The following SLC30A8 variants were observed in gnomAD, a reference collection of about 807,000 sequenced individuals.
The protein encoded by SLC30A8 is proton-coupled zinc antiporter SLC30A8.
SLC30A8 carries 27 observed loss-of-function variants against 36.9 expected under a neutral mutation model. The observed-to-expected ratio is 0.73, with a 90% CI of 0.54 to 1.01. SLC30A8 has a LOEUF of 1.01. SLC30A8 is among the 50% of genes least tolerant of loss of function. SLC30A8 has a pLI of 0.00. For synonymous variants in SLC30A8, 164 were observed against 172.4 expected, an observed-to-expected ratio of 0.95 and a Z score of 0.38; for missense variants, 439 against 452.0, an observed-to-expected ratio of 0.97 and a Z score of 0.26.
At chr8:117,132,657 G>A (rs11990977), upstream of SLC30A8, among the ~76,000 whole-genome samples, 3,655 of 152,118 alleles carry the variant, frequency 0.024, 150 homozygotes, top group African/African-American at 0.082. Context: ...CAGTTAGGCC[G>A]TTGGCCCTTG....
At chr8:117,012,679 T>C (rs972502284) in intron 1 of SLC30A8, among the ~76,000 whole-genome samples, 2 of 148,764 alleles carry the variant, frequency 1.3e-5, no homozygotes. Context: ...TGTGTGTGTG[T>C]GTGCATGTGT....
At chr8:116,989,964 G>T (rs1815575045) in intron 1 of SLC30A8, among the ~76,000 whole-genome samples, 1 of 152,208 alleles carries the variant, frequency 6.6e-6, no homozygotes, top group Non-Finnish European at 1.5e-5. Flanking sequence ...TTGATTAGTG[G>T]TGTCTGCCAT....
At chr8:117,100,545 G>A (rs17812918) in intron 2 of SLC30A8, among the ~76,000 whole-genome samples, 22,452 of 152,130 alleles carry the variant, frequency 0.15, 1,723 homozygotes, top group African/African-American at 0.18. Context: ...AGGCAATGGA[G>A]TACTGGTTTG....
chr8:116,998,436 A>G (rs1231642205), intron 1 of SLC30A8, among the ~76,000 whole-genome samples: 1 of 152,214 alleles, frequency 6.6e-6, no homozygotes, highest in African/African-American at 2.4e-5. Flanking sequence ...AAGTACCAAG[A>G]AACAGCCTTG....
In SLC30A8 at chr8:117,053,074, C is replaced by T. The variant is rs142192229; in HGVS notation, c.-226+13816C>T. On this transcript the variant is annotated intron_variant, in intron 2 of 10. Coordinates refer to the SLC30A8 transcript ENST00000427715. ...AACTGCAGGCACCCACCACCATGCC[C>T]GGCTAAGTTTTTGTATTTTTAGTAG... 2.0e-3 allele frequency among the ~76,000 whole-genome samples: 306 copies of T among 152,116 alleles called. 2 individuals are homozygous for T. Among genetic ancestry groups the T allele is most frequent in the African/African-American group, 6.2e-3 (258 of 41,502 alleles).
chr8:117,116,980 A>G (rs1359074134), intron 2 of SLC30A8, among the ~76,000 whole-genome samples: 2 of 151,984 alleles, frequency 1.3e-5, no homozygotes, highest in African/African-American at 4.8e-5. Flanking sequence ...GTTTCTTCCT[A>G]CATCTTGTGG....
In SLC30A8 at chr8:117,078,325, A is replaced by G. The variant is rs1430822816; in HGVS notation, c.-226+39067A>G. Among the ~76,000 whole-genome samples the G allele has an allele frequency of 2.0e-5, 3 of 152,186 alleles. No homozygotes were observed. The East Asian group carries it at 5.8e-4, about 29-fold the overall frequency. ...TCCTACTGCTTGCTTCCTAAGTGCC[A>G]GACACTCTTCCAAGCAGGCCACATG... On this transcript the variant is annotated intron_variant, in intron 2 of 10. Coordinates refer to the SLC30A8 transcript ENST00000427715.
chr8:117,160,403 T>TTGTGTGTGTGTG (rs71569723), intron 4 of SLC30A8, among the ~76,000 whole-genome samples: 98 of 145,904 alleles, frequency 6.7e-4, no homozygotes, highest in Non-Finnish European at 1.1e-3. Flanking sequence ...AATTTTCCAC[T>TTGTGTGTGTGTG]TGTGTGTGTG....
chr8:117,029,209 C>T (rs184129222), intron 1 of SLC30A8, among the ~76,000 whole-genome samples: 4 of 152,248 alleles, frequency 2.6e-5, no homozygotes, highest in African/African-American at 9.6e-5. Context: ...TAGTATCAGT[C>T]GATGAGTTCA....
At chr8:117,116,525 C>A (rs542997336) in intron 2 of SLC30A8, among the ~76,000 whole-genome samples, 1 of 152,098 alleles carries the variant, frequency 6.6e-6, no homozygotes, top group Non-Finnish European at 1.5e-5. Context: ...TGTACTCTTT[C>A]TATTCTGCTC....
chr8:117,018,423 A>G (rs969035774), intron 1 of SLC30A8, among the ~76,000 whole-genome samples: 2 of 152,092 alleles, frequency 1.3e-5, no homozygotes, highest in African/African-American at 4.8e-5. Flanking sequence ...TTCAAAATCC[A>G]TAATGTCTTT....
Position 117,163,515 on chromosome 8 carries a change from A to C in SLC30A8, c.814A>C (p.Ile272Leu), listed in dbSNP as rs376889410. Residue 272 changes from isoleucine (I) to leucine (L), a missense_variant, in exon 6 of 8, where the codon ATC becomes CTC. By Grantham distance (5) the Ile-to-Leu change is conservative. Coordinates refer to ENST00000456015, the MANE Select transcript of SLC30A8 (RefSeq NM_173851.3). ...CATCACTATCTTAAAGGACTTCTCC[A>C]TCTTACTCATGGAAGGTAGGAGTGA... ...STITILKDFS[I>L]LLMEGVPKSL... 16 of 1,611,654 alleles carry C rather than the reference A, an allele frequency of 9.9e-6. No homozygotes were observed. The East Asian group carries it at 3.6e-4, about 36-fold the overall frequency.
At chr8:116,978,712 C>G (rs1019871125) in intron 1 of SLC30A8, among the ~76,000 whole-genome samples, 2 of 152,306 alleles carry the variant, frequency 1.3e-5, no homozygotes, top group African/African-American at 4.8e-5. Flanking sequence ...TAATCTGATG[C>G]TGCCCCTTGG....
At chr8:116,977,812 C>T (rs1241015791) in intron 1 of SLC30A8, among the ~76,000 whole-genome samples, 1 of 152,140 alleles carries the variant, frequency 6.6e-6, no homozygotes, top group East Asian at 1.9e-4. Flanking sequence ...TCCCAGCCTG[C>T]TCTACCACTT....
intron 1 of SLC30A8, among the ~76,000 whole-genome samples, chr8:117,020,479 A>G (rs937558258): frequency 6.6e-6 from 1 of 152,224 alleles, no homozygotes; most frequent in Non-Finnish European, 1.5e-5. Flanking sequence ...TAATTATTAA[A>G]GTTAAACATA....
chr8:117,110,998 A>G (rs950795710), intron 2 of SLC30A8, among the ~76,000 whole-genome samples: 9 of 152,164 alleles, frequency 5.9e-5, no homozygotes, highest in African/African-American at 2.2e-4. Context: ...ATGGCTTAGA[A>G]TCTGAAATCA....
intron 1 of SLC30A8, among the ~76,000 whole-genome samples, chr8:117,138,434 C>G (rs1821473073): frequency 6.6e-6 from 1 of 152,048 alleles, no homozygotes; most frequent in Admixed American, 6.6e-5. Context: ...TCTTCCCAAG[C>G]TCAGTATGAT....
chr8:117,075,691 C>T (rs771592752), intron 2 of SLC30A8, among the ~76,000 whole-genome samples: 30 of 152,194 alleles, frequency 2.0e-4, no homozygotes, highest in Non-Finnish European at 4.4e-5. Context: ...TCACCTTTCT[C>T]TAATCCGTTC....
chr8:117,018,568 G>A (rs1816596398), intron 1 of SLC30A8, among the ~76,000 whole-genome samples: 1 of 151,954 alleles, frequency 6.6e-6, no homozygotes, highest in Non-Finnish European at 1.5e-5. Flanking sequence ...CCACTGTGTT[G>A]GATAGCTACA....
Sources: allele counts gnomAD v4.1 joint callset (sites outside exome capture counted in the v4.1 genomes callset), GRCh38; gene constraint gnomAD v4.1.1; transcripts MANE v1.5; gene names NCBI Gene and HGNC (gene_info 2026-07-23, HGNC 2026-07-21).